GPHN: variants seen among roughly 807,000 people sequenced by gnomAD.
GPHN encodes gephyrin.
A neutral mutation model predicts 95.5 loss-of-function variants in GPHN; 17 were observed. That is an observed-to-expected ratio of 0.18 (90% CI 0.12 to 0.27). The LOEUF is 0.27. Among genes scored for constraint, GPHN ranks in the 10% least tolerant of loss-of-function variants. The probability of loss-of-function intolerance (pLI) is 1.00; values close to 1 mark genes in which losing one functional copy is unlikely to be tolerated. For synonymous variants in GPHN, 320 were observed against 322.5 expected (o/e 0.99, Z 0.08); for missense variants, 660 against 978.1 (o/e 0.67, Z 4.34).
At chr14:66,596,324 G>T (rs960968956) in intron 1 of GPHN, among the ~76,000 whole-genome samples, 3 of 152,032 alleles carry the variant, frequency 2.0e-5, no homozygotes, top group Non-Finnish European at 2.9e-5. Context: ...CAAACCTCAG[G>T]CTGTCTCTGA....
At chr14:67,361,426 C>T in the GPHN span, among the ~76,000 whole-genome samples, 1 of 152,190 alleles carries the variant, frequency 6.6e-6, no homozygotes, top group Non-Finnish European at 1.5e-5. Context: ...TGATAACTTT[C>T]TTTTTCAACT....
At chr14:66,636,857 C>T (rs1158920768) in intron 1 of GPHN, among the ~76,000 whole-genome samples, 2 of 152,096 alleles carry the variant, frequency 1.3e-5, no homozygotes, top group Non-Finnish European at 2.9e-5. Flanking sequence ...TGATGTAGCC[C>T]AAACAGTAAA....
intron 1 of GPHN, among the ~76,000 whole-genome samples, chr14:66,633,801 T>C (rs1004583232): frequency 3.9e-5 from 6 of 152,138 alleles, no homozygotes; most frequent in Admixed American, 2.0e-4. Context: ...TCCCATCAGA[T>C]TGCTTATTAT....
intron 1 of GPHN, among the ~76,000 whole-genome samples, chr14:66,649,098 G>A (rs1048848864): frequency 2.0e-5 from 3 of 152,334 alleles, no homozygotes; most frequent in South Asian, 2.1e-4. Flanking sequence ...TTGGGAGGCC[G>A]AGGCCGGTGG....
At chr14:67,033,217 A>C (rs1368736304) in intron 10 of GPHN, among the ~76,000 whole-genome samples, 1 of 152,184 alleles carries the variant, frequency 6.6e-6, no homozygotes, top group Non-Finnish European at 1.5e-5. Context: ...GGTCATTTGA[A>C]ATTATTGTTA....
chr14:67,515,974 A>G, the GPHN span, among the ~76,000 whole-genome samples: 1 of 152,258 alleles, frequency 6.6e-6, no homozygotes, highest in Non-Finnish European at 1.5e-5. Context: ...GATTTGCTTT[A>G]TACCATAAAG....
the GPHN span, among the ~76,000 whole-genome samples, chr14:67,694,801 T>C: frequency 1.3e-5 from 2 of 152,162 alleles, no homozygotes; most frequent in African/African-American, 4.8e-5. Flanking sequence ...GACTGTGATC[T>C]GGCCTGGCTT....
chr14:67,243,186 GTCTTT>G, the GPHN span, among the ~76,000 whole-genome samples: 13 of 151,504 alleles, frequency 8.6e-5, no homozygotes, highest in Non-Finnish European at 7.4e-5. Flanking sequence ...GAATATAATT[GTCTTT>G]TCTTTTTTTT....
the GPHN span, chr14:67,619,657 C>G: frequency 4.2e-6 from 1 of 237,792 alleles, no homozygotes; most frequent in East Asian, 8.6e-5. Context: ...CTGTTGGTCA[C>G]CGCGCTCTTA....
intron 9 of GPHN, among the ~76,000 whole-genome samples, chr14:66,979,304 A>G (rs1567175189): frequency 6.6e-6 from 1 of 152,210 alleles, no homozygotes; most frequent in Admixed American, 6.5e-5. Flanking sequence ...TTCCATTTAT[A>G]TAAGGCTGTT....
intron 3 of GPHN, among the ~76,000 whole-genome samples, chr14:66,785,536 A>T (rs983752685): frequency 2.6e-5 from 4 of 152,086 alleles, no homozygotes; most frequent in African/African-American, 9.7e-5. Context: ...TATGTGTACC[A>T]AAAATTGAAA....
intron 2 of GPHN, among the ~76,000 whole-genome samples, chr14:66,751,467 T>C (rs2058359899): frequency 6.6e-6 from 1 of 152,136 alleles, no homozygotes; most frequent in South Asian, 2.1e-4. Flanking sequence ...GTTTATATGC[T>C]TGTTGGCTGC....
Position 66,836,681 on chromosome 14 carries a change from C to T in GPHN, c.294+12115C>T, listed in dbSNP as rs1182052121. Among the ~76,000 whole-genome samples, 61 of 145,930 alleles carry T rather than the reference C, an allele frequency of 4.2e-4. 1 individual carries two copies. The East Asian group carries it at 4.9e-3, about 12-fold the overall frequency. On this transcript the variant is annotated intron_variant, in intron 4 of 22. Transcript: ENST00000478722. ...AACCTACAAAATGGGAGAAAATTTT[C>T]GCAACCTACTCATCTGACAAAGCAC...
chr14:66,845,995 T>C (rs1474085480), intron 4 of GPHN, among the ~76,000 whole-genome samples: 1 of 152,158 alleles, frequency 6.6e-6, no homozygotes, highest in Non-Finnish European at 1.5e-5. Context: ...TAAAGAGAAT[T>C]GACCCTTGTC....
At chr14:66,633,187 T>C (rs1011882657) in intron 1 of GPHN, among the ~76,000 whole-genome samples, 1 of 152,234 alleles carries the variant, frequency 6.6e-6, no homozygotes, top group Non-Finnish European at 1.5e-5. Context: ...TAGGCCATTT[T>C]CTTTTCTAAG....
the GPHN span, among the ~76,000 whole-genome samples, chr14:67,198,735 G>T: frequency 6.6e-6 from 1 of 152,148 alleles, no homozygotes; most frequent in South Asian, 2.1e-4. Context: ...AGATGGTGTC[G>T]GGGAGAAAAG....
chr14:66,539,616 G>A lies in GPHN; in HGVS notation c.64+31025G>A, dbSNP rs1306401001. On this transcript the variant is annotated intron_variant, in intron 1 of 22. Transcript: ENST00000478722. ...TTTGGTAGAGACGGGTGTTGGTCAG[G>A]CTTCGTGTTGGTCAGGCTGGTTTCG... 5.3e-5 allele frequency among the ~76,000 whole-genome samples: 4 copies of A among 76,144 alleles called. No individual in the cohort carries two copies. The South Asian group carries it at 1.4e-3, about 26-fold the overall frequency. 50.0% of individuals were successfully genotyped at this position (76,144 alleles called of 152,430 possible).
the GPHN span, among the ~76,000 whole-genome samples, chr14:67,305,229 C>T: frequency 3.3e-5 from 5 of 152,102 alleles, no homozygotes; most frequent in African/African-American, 1.2e-4. Flanking sequence ...TACAATAATC[C>T]ATCCCTCCTG....
the GPHN span, among the ~76,000 whole-genome samples, chr14:67,604,725 A>T: frequency 1.8e-5 from 1 of 55,244 alleles, no homozygotes; most frequent in Non-Finnish European, 3.7e-5. Context: ...ACAACAACAA[A>T]AAAAACTTTG....
Sources: gnomAD v4.1 joint callset for allele counts (sites outside exome capture counted in the v4.1 genomes callset) on GRCh38, gnomAD v4.1.1 for gene constraint, MANE v1.5 for transcripts, NCBI Gene and HGNC (gene_info 2026-07-23, HGNC 2026-07-21) for gene names.